Variants in MAGI2 observed in about 807,000 individuals in gnomAD.
MAGI2 encodes the protein membrane associated guanylate kinase, WW and PDZ domain containing 2.
In MAGI2, 35 loss-of-function variants were observed where a neutral mutation model predicts 133.3. The observed-to-expected ratio is 0.26, with a 90% confidence interval of 0.20 to 0.35. The LOEUF is 0.35. MAGI2 is among the 10% of genes least tolerant of loss of function. The pLI, the probability that MAGI2 is intolerant of heterozygous loss-of-function variation, is 1.00. For missense variants in MAGI2, 1,636 were observed against 1,863.4 expected, an observed-to-expected ratio of 0.88 and a Z score of 2.25; for synonymous variants, 729 against 710.6, an observed-to-expected ratio of 1.03 and a Z score of -0.41.
chr7:79,452,951 C>T (rs139386138), intron 1 of MAGI2, 69 bp downstream of exon 1: 13 of 1,473,804 alleles, frequency 8.8e-6, no homozygotes, highest in South Asian at 1.3e-5. Flanking sequence ...GCGCGGCCAC[C>T]CTTTCATTGC....
intron 13 of MAGI2, among the ~76,000 whole-genome samples, chr7:78,178,434 G>C (rs933276235): frequency 2.6e-5 from 4 of 152,132 alleles, no homozygotes; most frequent in Non-Finnish European, 4.4e-5. Context: ...CAAGAAGCTA[G>C]ACTGTCACTT....
At chr7:78,472,893 C>T (rs1224695473) in intron 6 of MAGI2, among the ~76,000 whole-genome samples, 1 of 152,054 alleles carries the variant, frequency 6.6e-6, no homozygotes, top group African/African-American at 2.4e-5. Context: ...GTTGTCTATC[C>T]CTGGGCTCTG....
intron 6 of MAGI2, among the ~76,000 whole-genome samples, chr7:78,464,761 T>C (rs1790443713): frequency 1.3e-5 from 2 of 150,778 alleles, no homozygotes; most frequent in South Asian, 4.2e-4. Context: ...AACAAATACA[T>C]GCAAAAAATG....
At chr7:78,669,858 A>G (rs1814131691) in intron 2 of MAGI2, among the ~76,000 whole-genome samples, 1 of 152,138 alleles carries the variant, frequency 6.6e-6, no homozygotes, top group African/African-American at 2.4e-5. Context: ...AAGGCCTTTG[A>G]CAAAATTCAA....
chr7:78,668,020 G>A (rs566205656), intron 2 of MAGI2, among the ~76,000 whole-genome samples: 2 of 152,196 alleles, frequency 1.3e-5, no homozygotes, highest in African/African-American at 4.8e-5. Flanking sequence ...GTGTAAAAGT[G>A]CTCCTATTTC....
rs576744744 is a variant in MAGI2, at chr7:79,183,533, T to C, written c.302-176327A>G. 9.9e-5 allele frequency among the ~76,000 whole-genome samples: 15 copies of C among 151,986 alleles called. 1 individual carries two copies. The highest frequency in any genetic ancestry group is 3.6e-4 in the African/African-American group (15 of 41,432). Reference sequence around the variant, plus strand: ...TTCTAGGTATCAATCCTTTATTAGATATATATTCCACAAATATTTTTTCCC... The same window carrying C: ...TTCTAGGTATCAATCCTTTATTAGACATATATTCCACAAATATTTTTTCCC... On this transcript the variant is annotated intron_variant, in intron 1 of 21. Transcript: ENST00000354212.
intron 1 of MAGI2, among the ~76,000 whole-genome samples, chr7:79,257,026 G>T (rs976374560): frequency 6.6e-6 from 1 of 152,060 alleles, no homozygotes; most frequent in Non-Finnish European, 1.5e-5. Flanking sequence ...CATGCTAAAA[G>T]AGTAGATTAT....
In MAGI2 at chr7:79,020,634, C is replaced by T. The variant is rs561941038; in HGVS notation, c.302-13428G>A. Among the ~76,000 whole-genome samples the T allele has an allele frequency of 2.5e-4, 38 of 151,962 alleles. No individual in the cohort carries two copies. In the South Asian group the frequency reaches 4.6e-3, roughly 18 times the overall value. ...ACAAAAAATTAGCTGGACATGGTGG[C>T]GGGCTCCTGTAGTCCCAGCTACTGG... On this transcript the variant is annotated intron_variant, in intron 1 of 21. Coordinates refer to ENST00000354212, the MANE Select transcript of MAGI2 (RefSeq NM_012301.4).
intron 6 of MAGI2, among the ~76,000 whole-genome samples, chr7:78,482,541 C>T (rs1792502684): frequency 6.6e-6 from 1 of 151,922 alleles, no homozygotes; most frequent in South Asian, 2.1e-4. Context: ...GTGGTACCAT[C>T]CATGCCATAG....
At chr7:78,894,217 T>C (rs548175240) in intron 2 of MAGI2, among the ~76,000 whole-genome samples, 2 of 152,234 alleles carry the variant, frequency 1.3e-5, no homozygotes, top group African/African-American at 4.8e-5. Flanking sequence ...CTGGCTAACA[T>C]AGTGAAACCC....
chr7:79,069,956 G>A (rs113428718), intron 1 of MAGI2, among the ~76,000 whole-genome samples: 1 of 152,140 alleles, frequency 6.6e-6, no homozygotes, highest in Non-Finnish European at 1.5e-5. Context: ...GGCTTGTAGG[G>A]TTTCTGACAA....
At chr7:79,265,485 T>C (rs1834383242) in intron 1 of MAGI2, among the ~76,000 whole-genome samples, 1 of 151,948 alleles carries the variant, frequency 6.6e-6, no homozygotes, top group Non-Finnish European at 1.5e-5. Context: ...GTACTTTTCC[T>C]TTTTTTTGGT....
intron 10 of MAGI2, among the ~76,000 whole-genome samples, chr7:78,246,200 T>A (rs1791762250): frequency 6.6e-6 from 1 of 152,248 alleles, no homozygotes; most frequent in South Asian, 2.1e-4. Context: ...AGCTCCCCCA[T>A]GTCTGAGCTG....
intron 2 of MAGI2, among the ~76,000 whole-genome samples, chr7:78,644,631 G>A (rs1335304993): frequency 6.6e-6 from 1 of 152,106 alleles, no homozygotes; most frequent in Non-Finnish European, 1.5e-5. Context: ...ATCAAAATTA[G>A]TGGGATGTTG....
At chr7:79,198,670 A>T (rs1828310942) in intron 1 of MAGI2, among the ~76,000 whole-genome samples, 1 of 151,932 alleles carries the variant, frequency 6.6e-6, no homozygotes, top group Non-Finnish European at 1.5e-5. Flanking sequence ...AGGGAGGATC[A>T]CCTGTTAGGG....
chr7:79,084,249 G>A (rs558386951), intron 1 of MAGI2, among the ~76,000 whole-genome samples: 24 of 151,606 alleles, frequency 1.6e-4, no homozygotes, highest in Non-Finnish European at 3.1e-4. Context: ...TTAGGTTATT[G>A]ATTTGAGTTC....
chr7:78,993,661 G>A (rs1057333392), intron 2 of MAGI2, among the ~76,000 whole-genome samples: 2 of 151,818 alleles, frequency 1.3e-5, no homozygotes, highest in Non-Finnish European at 2.9e-5. Context: ...TATTCCTGGG[G>A]ATCTAGTCTG....
At chr7:79,300,838 C>A (rs1837343458) in intron 1 of MAGI2, among the ~76,000 whole-genome samples, 1 of 152,186 alleles carries the variant, frequency 6.6e-6, no homozygotes, top group Admixed American at 6.5e-5. Context: ...TGGGCCAGGG[C>A]CCTGCTGCTC....
chr7:78,283,601 C>T (rs186233684), intron 9 of MAGI2, among the ~76,000 whole-genome samples: 19 of 152,024 alleles, frequency 1.2e-4, no homozygotes, highest in Non-Finnish European at 2.1e-4. Flanking sequence ...CGTGTTTCTC[C>T]GAAATGGTAT....
Sources: gnomAD v4.1 joint callset for allele counts (sites outside exome capture counted in the v4.1 genomes callset) on GRCh38, gnomAD v4.1.1 for gene constraint, MANE v1.5 for transcripts, NCBI Gene and HGNC (gene_info 2026-07-23, HGNC 2026-07-21) for gene names.